The following MAML2 variants were observed in gnomAD, a reference collection of about 807,000 sequenced individuals.
MAML2 encodes the protein mastermind-like protein 2.
MAML2 carries 22 observed loss-of-function variants against 96.1 expected under a neutral mutation model. That is an observed-to-expected ratio of 0.23 (90% CI 0.16 to 0.33). The LOEUF is 0.33. Ranked by LOEUF, MAML2 falls within the 10% of genes least tolerant of loss-of-function variation. The pLI, the probability that MAML2 is intolerant of heterozygous loss-of-function variation, is 1.00. For synonymous variants in MAML2, 561 were observed against 521.3 expected, an observed-to-expected ratio of 1.08 and a Z score of -1.04; for missense variants, 1,367 against 1,392.4, an observed-to-expected ratio of 0.98 and a Z score of 0.29.
At chr11:96,162,604 G>A (rs529741430) in intron 1 of MAML2, among the ~76,000 whole-genome samples, 4 of 151,920 alleles carry the variant, frequency 2.6e-5, no homozygotes, top group African/African-American at 4.8e-5. Context: ...CCAGCTACTC[G>A]GGAGGCTGAG....
chr11:96,214,340 A>G (rs1862017750), intron 1 of MAML2, among the ~76,000 whole-genome samples: 2 of 152,218 alleles, frequency 1.3e-5, no homozygotes, highest in Non-Finnish European at 1.5e-5. Flanking sequence ...GTCCTCTTAG[A>G]GCTCTGTAGA....
At chr11:96,190,839 G>C (rs537465208) in intron 1 of MAML2, among the ~76,000 whole-genome samples, 11 of 152,294 alleles carry the variant, frequency 7.2e-5, no homozygotes, top group African/African-American at 2.6e-4. Context: ...TTTACTGAGG[G>C]CCTATTGTGA....
intron 2 of MAML2, among the ~76,000 whole-genome samples, chr11:96,062,349 A>G (rs1158063582): frequency 1.3e-5 from 2 of 152,222 alleles, no homozygotes; most frequent in African/African-American, 4.8e-5. Flanking sequence ...GCATGTAGAC[A>G]CTGCAGTGAA....
At chr11:96,087,106 TC>T (rs1202911700) in intron 2 of MAML2, among the ~76,000 whole-genome samples, 1 of 152,186 alleles carries the variant, frequency 6.6e-6, no homozygotes, top group Non-Finnish European at 1.5e-5. Context: ...ATCAGTGTCC[TC>T]ACCTGTGAAA....
chr11:96,089,082 T>A (rs2135806444), intron 2 of MAML2, among the ~76,000 whole-genome samples: 1 of 152,208 alleles, frequency 6.6e-6, no homozygotes, highest in Admixed American at 6.5e-5. Flanking sequence ...TGACTAGTGT[T>A]TTCCTTTAAG....
intron 1 of MAML2, among the ~76,000 whole-genome samples, chr11:96,123,557 A>C (rs999340243): frequency 5.3e-5 from 8 of 152,240 alleles, no homozygotes; most frequent in African/African-American, 1.7e-4. Flanking sequence ...CGTCCTGTAC[A>C]GAGAAGTCTG....
intron 1 of MAML2, among the ~76,000 whole-genome samples, chr11:96,308,355 T>C (rs1863495320): frequency 6.6e-6 from 1 of 152,180 alleles, no homozygotes; most frequent in Admixed American, 6.5e-5. Flanking sequence ...CTAACATACA[T>C]ATGGGTGACT....
chr11:96,203,014 T>A (rs192528231), intron 1 of MAML2, among the ~76,000 whole-genome samples: 28 of 152,236 alleles, frequency 1.8e-4, no homozygotes, highest in Non-Finnish European at 3.7e-4. Flanking sequence ...GCAATAAATA[T>A]GTTGAAAAAA....
At chr11:96,239,938 A>G (rs905642946) in intron 1 of MAML2, among the ~76,000 whole-genome samples, 8 of 152,186 alleles carry the variant, frequency 5.3e-5, no homozygotes, top group Non-Finnish European at 8.8e-5. Context: ...TAGGGAAACA[A>G]TTGATTCTGA....
At chr11:96,201,364 T>C (rs1368575915) in intron 1 of MAML2, among the ~76,000 whole-genome samples, 1 of 152,286 alleles carries the variant, frequency 6.6e-6, no homozygotes, top group South Asian at 2.1e-4. Flanking sequence ...TATAACAGCA[T>C]TTTGCCATGT....
intron 1 of MAML2, among the ~76,000 whole-genome samples, chr11:96,199,333 G>C (rs1799401418): frequency 6.6e-6 from 1 of 151,944 alleles, no homozygotes; most frequent in Non-Finnish European, 1.5e-5. Flanking sequence ...AAGGTGGGCA[G>C]AACCGCAGAA....
At chr11:96,128,201 C>T (rs1397153519) in intron 1 of MAML2, among the ~76,000 whole-genome samples, 1 of 152,144 alleles carries the variant, frequency 6.6e-6, no homozygotes, top group Non-Finnish European at 1.5e-5. Flanking sequence ...TGAGATCAGC[C>T]TGACGAATAT....
At chr11:96,202,177 CAA>C (rs35124521) in intron 1 of MAML2, among the ~76,000 whole-genome samples, 2,740 of 75,896 alleles carry the variant, frequency 0.036, 57 homozygotes, top group African/African-American at 0.081. Context: ...ACTAAAAATA[CAA>C]AAAAAAAAAA....
chr11:96,071,548 A>G (rs2135788527), intron 2 of MAML2, among the ~76,000 whole-genome samples: 1 of 152,288 alleles, frequency 6.6e-6, no homozygotes, highest in South Asian at 2.1e-4. Context: ...TGGACTCCCA[A>G]ATACCTGGGG....
chr11:96,151,729 A>G (rs1163138527), intron 1 of MAML2, among the ~76,000 whole-genome samples: 1 of 152,078 alleles, frequency 6.6e-6, no homozygotes, highest in Non-Finnish European at 1.5e-5. Flanking sequence ...CCATGAATAA[A>G]ACTCCCCTGA....
chr11:96,017,977 G>A (rs577157873), intron 2 of MAML2, among the ~76,000 whole-genome samples: 1 of 152,342 alleles, frequency 6.6e-6, no homozygotes, highest in African/African-American at 2.4e-5. Flanking sequence ...CACTCTGTCA[G>A]CTATGTGGTG....
chr11:96,291,115 C>CTTT lies in MAML2; in HGVS notation c.513+50265_513+50267dup, dbSNP rs58889757. 4.5e-4 allele frequency among the ~76,000 whole-genome samples: 31 copies of CTTT among 69,060 alleles called. 2 individuals carry two copies. The highest frequency in any genetic ancestry group is 7.2e-4 in the African/African-American group (12 of 16,678). The allele number at this position is 69,060 out of a possible 152,430, so 45.3% of individuals were successfully genotyped here. The stretch of plus-strand genomic sequence containing the variant: ...ACATCTGTGTTAGTTTTTCACAAGC[C>CTTT]TTTTTTTTTTTTTTTTTTTTTTTTT... On this transcript the variant is annotated intron_variant, in intron 1 of 4. Transcript: ENST00000524717.
chr11:96,161,431 T>C (rs567947208), intron 1 of MAML2, among the ~76,000 whole-genome samples: 97 of 152,326 alleles, frequency 6.4e-4, no homozygotes, highest in African/African-American at 2.2e-3. Context: ...AGTCTCTTAA[T>C]AGGTTCATTT....
At chr11:96,259,250 GT>G (rs146816978) in intron 1 of MAML2, among the ~76,000 whole-genome samples, 2 of 152,052 alleles carry the variant, frequency 1.3e-5, no homozygotes, top group African/African-American at 2.4e-5. Flanking sequence ...CTTTCCAGAT[GT>G]TTTTTTTCTT....
Sources: gnomAD v4.1 joint callset for allele counts (sites outside exome capture counted in the v4.1 genomes callset) on GRCh38, gnomAD v4.1.1 for gene constraint, MANE v1.5 for transcripts, NCBI Gene and HGNC (gene_info 2026-07-23, HGNC 2026-07-21) for gene names.